The following CADPS variants were observed in gnomAD, a reference collection of about 807,000 sequenced individuals.
CADPS encodes the protein calcium-dependent secretion activator 1.
Under a neutral mutation model 167.3 loss-of-function variants are expected in CADPS, and 57 were observed. The ratio of observed to expected loss-of-function variants is 0.34; its 90% CI spans 0.28 to 0.42. The LOEUF (loss-of-function observed/expected upper bound fraction) is 0.42, where lower values mean the gene tolerates loss of function less well. Ranked by LOEUF, CADPS falls within the 20% of genes least tolerant of loss-of-function variation. CADPS has a pLI of 1.00. For missense variants in CADPS, 1,414 were observed against 1,738.1 expected (o/e 0.81, Z 3.32); for synonymous variants, 676 against 635.3 (o/e 1.06, Z -0.96).
chr3:62,629,237 T>A (rs2064777660), intron 6 of CADPS, among the ~76,000 whole-genome samples: 1 of 152,214 alleles, frequency 6.6e-6, no homozygotes, highest in Admixed American at 6.5e-5. Context: ...TTTTAGAATA[T>A]AACCAACAAC....
chr3:62,679,419 C>T (rs140704840), intron 3 of CADPS, among the ~76,000 whole-genome samples: 3 of 151,970 alleles, frequency 2.0e-5, no homozygotes, highest in South Asian at 2.1e-4. Context: ...CCTATAGTCC[C>T]GGCTATAGGA....
intron 14 of CADPS, among the ~76,000 whole-genome samples, chr3:62,517,897 A>G (rs539827152): frequency 3.9e-5 from 6 of 152,326 alleles, no homozygotes; most frequent in African/African-American, 1.2e-4. Flanking sequence ...AACTTTTTGT[A>G]ATAGATTGTT....
intron 8 of CADPS, among the ~76,000 whole-genome samples, chr3:62,574,320 T>C (rs2081882751): frequency 1.3e-5 from 2 of 150,450 alleles, no homozygotes; most frequent in African/African-American, 5.0e-5. Context: ...CACCATCATA[T>C]TTCTATTTAA....
At chr3:62,843,904 G>A (rs1423430030) in intron 1 of CADPS, among the ~76,000 whole-genome samples, 2 of 151,926 alleles carry the variant, frequency 1.3e-5, no homozygotes, top group African/African-American at 4.8e-5. Context: ...AAGACTACCA[G>A]GGCTTAAAAA....
At chr3:62,825,976 A>C (rs749630243) in intron 1 of CADPS, among the ~76,000 whole-genome samples, 10 of 152,296 alleles carry the variant, frequency 6.6e-5, no homozygotes, top group Non-Finnish European at 1.5e-4. Flanking sequence ...CCTTGACCTC[A>C]AAGAATGTAG....
At chr3:62,840,037 T>C (rs1313727101) in intron 1 of CADPS, among the ~76,000 whole-genome samples, 1 of 152,150 alleles carries the variant, frequency 6.6e-6, no homozygotes, top group Non-Finnish European at 1.5e-5. Flanking sequence ...GTAAGACATA[T>C]TGAATGAATC....
At chr3:62,849,564 T>TTG (rs1442262355) in intron 1 of CADPS, among the ~76,000 whole-genome samples, 5 of 127,256 alleles carry the variant, frequency 3.9e-5, no homozygotes, top group African/African-American at 1.5e-4. Context: ...GCTGTGTTTA[T>TTG]ATGCTGGATT....
intron 28 of CADPS, among the ~76,000 whole-genome samples, chr3:62,437,136 A>G (rs547283698): frequency 6.6e-6 from 1 of 152,236 alleles, no homozygotes; most frequent in South Asian, 2.1e-4. Context: ...GGAAACCTGG[A>G]CAGGAGGAGC....
At position 62,518,259 on chromosome 3, in the gene CADPS, A is replaced by C. The variant is rs1474546224; in HGVS notation, c.2292-9T>G. ...TTCCAATTCCATCAGGCCTGAAAGA[A>C]GACATGTCATGAAATGACGGGAACC... On this transcript the variant is annotated splice_polypyrimidine_tract_variant and intron_variant, in intron 13 of 29. Coordinates refer to ENST00000383710, the MANE Select transcript of CADPS (RefSeq NM_003716.4). 1 of 1,601,776 alleles carries C rather than the reference A, an allele frequency of 6.2e-7. No homozygotes were observed. The highest frequency in any genetic ancestry group is 2.2e-5 in the East Asian group (1 of 44,750).
At chr3:62,407,333 T>C (rs1708890324) in intron 28 of CADPS, among the ~76,000 whole-genome samples, 1 of 152,196 alleles carries the variant, frequency 6.6e-6, no homozygotes. Context: ...AGTAGCCCCT[T>C]AACCATGCAA....
intron 11 of CADPS, among the ~76,000 whole-genome samples, chr3:62,542,464 G>A (rs1407891555): frequency 6.6e-6 from 1 of 152,108 alleles, no homozygotes; most frequent in Non-Finnish European, 1.5e-5. Context: ...GCAGCTGGTT[G>A]TTTATGGATT....
intron 3 of CADPS, among the ~76,000 whole-genome samples, chr3:62,721,274 T>G (rs766627398): frequency 3.9e-4 from 60 of 152,142 alleles, no homozygotes; most frequent in Middle Eastern, 3.4e-3. Context: ...AAGAGATTTT[T>G]GTTGGTGAGA....
chr3:62,406,133 A>G (rs1708402206), intron 28 of CADPS, among the ~76,000 whole-genome samples: 1 of 152,230 alleles, frequency 6.6e-6, no homozygotes, highest in Non-Finnish European at 1.5e-5. Flanking sequence ...TTTGCCGGTC[A>G]TGACAGCCGA....
intron 6 of CADPS, 45 bp downstream of exon 6, chr3:62,645,677 G>T: frequency 6.2e-7 from 1 of 1,604,430 alleles, no homozygotes; most frequent in South Asian, 1.1e-5. Context: ...TGGAACTAAT[G>T]GCAGCAACCC....
chr3:62,413,154 G>T (rs537022976), intron 28 of CADPS, among the ~76,000 whole-genome samples: 1 of 152,232 alleles, frequency 6.6e-6, no homozygotes, highest in East Asian at 1.9e-4. Flanking sequence ...GAAAGCAGAG[G>T]CACTGATGTG....
chr3:62,872,600 C>A (rs1289566663), intron 1 of CADPS, among the ~76,000 whole-genome samples: 1 of 152,124 alleles, frequency 6.6e-6, no homozygotes, highest in Non-Finnish European at 1.5e-5. Flanking sequence ...AAACAGCATG[C>A]CCCTCAAAAC....
chr3:62,427,742 G>C (rs2053052770), intron 28 of CADPS, among the ~76,000 whole-genome samples: 1 of 152,110 alleles, frequency 6.6e-6, no homozygotes, highest in South Asian at 2.1e-4. Flanking sequence ...CTAGGGCAAA[G>C]AATGAATTTT....
At chr3:62,837,671 T>C (rs1412483938) in intron 1 of CADPS, among the ~76,000 whole-genome samples, 1 of 152,132 alleles carries the variant, frequency 6.6e-6, no homozygotes, top group African/African-American at 2.4e-5. Flanking sequence ...TGCCAAGCAA[T>C]AGATATCAAC....
At chr3:62,716,738 G>A (rs2084723025) in intron 3 of CADPS, among the ~76,000 whole-genome samples, 1 of 152,198 alleles carries the variant, frequency 6.6e-6, no homozygotes, top group South Asian at 2.1e-4. Context: ...TCCATCATCT[G>A]CTCATTGTGA....
Sources: gnomAD v4.1 joint callset for allele counts (sites outside exome capture counted in the v4.1 genomes callset) on GRCh38, gnomAD v4.1.1 for gene constraint, MANE v1.5 for transcripts, NCBI Gene and HGNC (gene_info 2026-07-23, HGNC 2026-07-21) for gene names.